ESRP1: variants seen among roughly 807,000 people sequenced by gnomAD.
ESRP1 encodes epithelial splicing regulatory protein 1, also known as RNA-binding motif protein 35A.
ESRP1 carries 33 observed loss-of-function variants against 81.7 expected under a neutral mutation model. The ratio of observed to expected loss-of-function variants is 0.40; its 90% confidence interval spans 0.31 to 0.54. The LOEUF (loss-of-function observed/expected upper bound fraction) is 0.54. ESRP1 is among the 20% of genes least tolerant of loss of function. ESRP1 has a pLI of 0.41. For missense variants in ESRP1, 672 were observed against 833.1 expected (o/e 0.81, Z 2.38); for synonymous variants, 320 against 303.3 (o/e 1.06, Z -0.57).
At chr8:94,701,464 C>T (rs1279502181) in intron 15 of ESRP1, among the ~76,000 whole-genome samples, 2 of 152,048 alleles carry the variant, frequency 1.3e-5, no homozygotes, top group Non-Finnish European at 2.9e-5. Context: ...TTCATTTAAC[C>T]ATTCAAGATG....
At chr8:94,676,116 G>A (rs1022664814) in intron 12 of ESRP1, among the ~76,000 whole-genome samples, 2 of 152,186 alleles carry the variant, frequency 1.3e-5, no homozygotes, top group Non-Finnish European at 2.9e-5. Flanking sequence ...GCTTACACCT[G>A]TAATCCCAGC....
chr8:94,700,148 C>T (rs145901622), intron 15 of ESRP1, among the ~76,000 whole-genome samples: 157 of 152,302 alleles, frequency 1.0e-3, no homozygotes, highest in Non-Finnish European at 1.6e-3. Flanking sequence ...ACTCTGAGGA[C>T]GCTTTTCTGT....
At chr8:94,643,040 T>C (rs1817689374) in intron 2 of ESRP1, among the ~76,000 whole-genome samples, 1 of 152,172 alleles carries the variant, frequency 6.6e-6, no homozygotes, top group African/African-American at 2.4e-5. Context: ...AAGTCTTGAA[T>C]GAATTTTTTT....
At chr8:94,661,479 T>C (rs1818744300) in intron 4 of ESRP1, among the ~76,000 whole-genome samples, 1 of 152,212 alleles carries the variant, frequency 6.6e-6, no homozygotes. Flanking sequence ...TATTGTGATA[T>C]TCACTTTAAT....
chr8:94,647,899 T>G (rs1376501420), intron 4 of ESRP1, among the ~76,000 whole-genome samples: 1 of 152,086 alleles, frequency 6.6e-6, no homozygotes, highest in Non-Finnish European at 1.5e-5. Flanking sequence ...ACCAGCACTT[T>G]GGGAGGCTGA....
intron 13 of ESRP1, among the ~76,000 whole-genome samples, chr8:94,691,624 C>T (rs777177109): frequency 6.1e-4 from 93 of 152,282 alleles, no homozygotes; most frequent in Non-Finnish European, 1.2e-3. Context: ...ACTGGAGGCA[C>T]ATCTGACTCC....
intron 13 of ESRP1, among the ~76,000 whole-genome samples, chr8:94,691,577 T>A (rs1379401495): frequency 6.6e-6 from 1 of 152,204 alleles, no homozygotes; most frequent in Non-Finnish European, 1.5e-5. Context: ...AATTAAGTGA[T>A]TTAAGCTTGC....
At chr8:94,704,891 TTC>T (rs1810002409) in intron 15 of ESRP1, among the ~76,000 whole-genome samples, 3 of 151,686 alleles carry the variant, frequency 2.0e-5, no homozygotes. Flanking sequence ...CTACTAAAAG[TTC>T]TTATTTTAAG....
chr8:94,662,463 A>C, intron 5 of ESRP1, 38 bp from the exon 6 acceptor site: 1 of 1,576,488 alleles, frequency 6.3e-7, no homozygotes, highest in Non-Finnish European at 8.6e-7. Context: ...TTGTCTCCCT[A>C]ATCACTAAAA....
chr8:94,651,178 C>A (rs1818107104), intron 4 of ESRP1, among the ~76,000 whole-genome samples: 1 of 148,198 alleles, frequency 6.7e-6, no homozygotes, highest in African/African-American at 2.5e-5. Context: ...GTATGTGGAA[C>A]TTGAATAATA....
chr8:94,643,515 AAG>A, intron 3 of ESRP1, 99 bp downstream of exon 3: 4 of 693,492 alleles, frequency 5.8e-6, no homozygotes, highest in Non-Finnish European at 1.0e-5. Flanking sequence ...TGTTCTTAAA[AAG>A]ATGCATATAG....
chr8:94,643,019 A>T (rs902086095), intron 2 of ESRP1, among the ~76,000 whole-genome samples: 1 of 152,234 alleles, frequency 6.6e-6, no homozygotes. Flanking sequence ...ATGAAATGAG[A>T]CATCTGACTT....
intron 13 of ESRP1, among the ~76,000 whole-genome samples, chr8:94,682,521 C>G (rs1362328641): frequency 1.3e-5 from 2 of 152,036 alleles, no homozygotes; most frequent in Non-Finnish European, 2.9e-5. Flanking sequence ...CATGCACCAC[C>G]TCACTTGGCT....
Position 94,662,552 on chromosome 8 carries a change from C to G in ESRP1, c.641C>G (p.Thr214Ser), listed in dbSNP as rs753536820. Residue 214 changes from threonine to serine, a missense_variant, in exon 6 of 16, where the codon ACT becomes AGT. Physicochemically the swap from Thr to Ser is moderately conservative, Grantham distance 58 (BLOSUM62 1). Coordinates refer to ENST00000433389, the MANE Select transcript of ESRP1 (RefSeq NM_017697.4). ...GTGAATTACAAGTTTGAAAGTGGAA[C>G]TTGGTAAGTGCTTGAGTACTATTTA... The part of the protein sequence containing the change: ...ERVNYKFESG[T>S]CSKMELIDDN... 1.9e-6 allele frequency: 3 copies of G among 1,603,458 alleles called. No individual in the cohort carries two copies. Among genetic ancestry groups the G allele is most frequent in the East Asian group, 2.2e-5 (1 of 44,794 alleles).
Position 94,641,283 on chromosome 8 carries a change from T to TCCCCCCCCCCC in ESRP1, c.-33_-32insCCCCCCCCCCC. 6.4e-7 allele frequency: 1 copy of TCCCCCCCCCCC among 1,551,512 alleles called. No homozygotes were observed. Among genetic ancestry groups the TCCCCCCCCCCC allele is most frequent in the Non-Finnish European group, 8.8e-7 (1 of 1,131,502 alleles). ...CTCACTTCCACACCACCTTACCGCC[T>TCCCCCCCCCCC]CCCGACCCCCCCTCTCCCCCTCCCC... On this transcript the variant is annotated 5_prime_UTR_variant, in exon 1 of 16. Coordinates refer to ENST00000433389, the MANE Select transcript of ESRP1 (RefSeq NM_017697.4).
At chr8:94,666,107 T>C (rs1819003236) in intron 9 of ESRP1, among the ~76,000 whole-genome samples, 1 of 152,282 alleles carries the variant, frequency 6.6e-6, no homozygotes, top group Admixed American at 6.5e-5. Flanking sequence ...TGTAAGTTTC[T>C]GTTGCTCATT....
At chr8:94,694,541 T>C (rs1038632394) in intron 14 of ESRP1, among the ~76,000 whole-genome samples, 2 of 152,162 alleles carry the variant, frequency 1.3e-5, no homozygotes, top group African/African-American at 4.8e-5. Context: ...GAGGCTGAGG[T>C]TACAGTGAGC....
chr8:94,706,693 T>C lies in ESRP1; in HGVS notation c.*804T>C, dbSNP rs1186508059. The stretch of plus-strand genomic sequence containing the variant: ...GAATATTGTGGCTTCATATGTATTA[T>C]TTTATATTGTACTTTTTTCATTATT... On this transcript the variant is annotated 3_prime_UTR_variant, in exon 16 of 16. Coordinates refer to ENST00000433389, the MANE Select transcript of ESRP1 (RefSeq NM_017697.4). 1 of 152,642 alleles carries C rather than the reference T, an allele frequency of 6.6e-6. No individual in the cohort carries two copies. The highest frequency in any genetic ancestry group is 1.5e-5 in the Non-Finnish European group (1 of 68,038). 9.5% of individuals were successfully genotyped at this position (152,642 alleles called of 1,614,324 possible).
intron 13 of ESRP1, among the ~76,000 whole-genome samples, chr8:94,687,981 A>G (rs1809208274): frequency 1.3e-5 from 2 of 152,236 alleles, no homozygotes; most frequent in Non-Finnish European, 1.5e-5. Context: ...AAGATTTACT[A>G]CTATGTTTTG....
Sources: gnomAD v4.1 joint callset for allele counts (sites outside exome capture counted in the v4.1 genomes callset) on GRCh38, gnomAD v4.1.1 for gene constraint, MANE v1.5 for transcripts, NCBI Gene and HGNC (gene_info 2026-07-23, HGNC 2026-07-21) for gene names.